Variants in PDE11A observed in about 807,000 individuals in gnomAD.
PDE11A encodes dual 3',5'-cyclic-AMP and -GMP phosphodiesterase 11A.
PDE11A carries 100 observed loss-of-function variants against 100.5 expected under a neutral mutation model. The ratio of observed to expected loss-of-function variants is 1.00; its 90% confidence interval spans 0.85 to 1.18. PDE11A has a LOEUF of 1.18. PDE11A is among the 50% of genes most tolerant of loss of function. The pLI is 0.00. For missense variants in PDE11A, 1,141 were observed against 1,152.6 expected, an observed-to-expected ratio of 0.99 and a Z score of 0.15; for synonymous variants, 381 against 420.8, an observed-to-expected ratio of 0.91 and a Z score of 1.16.
At chr2:177,727,624 G>T in intron 12 of PDE11A, 34 bp downstream of exon 12, 1 of 1,210,568 alleles carries the variant, frequency 8.3e-7, no homozygotes. Context: ...CTACGAATGA[G>T]AAATGATCTT....
chr2:177,698,752 T>C (rs957567342), intron 14 of PDE11A, among the ~76,000 whole-genome samples: 10 of 152,302 alleles, frequency 6.6e-5, no homozygotes, highest in Middle Eastern at 3.4e-3. Flanking sequence ...AATTTTCAAA[T>C]GAGCTCTTCA....
chr2:178,011,124 G>A (rs546525308), intron 2 of PDE11A, among the ~76,000 whole-genome samples: 2 of 152,280 alleles, frequency 1.3e-5, no homozygotes, highest in East Asian at 1.9e-4. Context: ...TCTAAGTGGA[G>A]GTTGTTGGCA....
chr2:177,756,738 C>A (rs955091801), intron 10 of PDE11A, among the ~76,000 whole-genome samples: 1 of 152,202 alleles, frequency 6.6e-6, no homozygotes, highest in African/African-American at 2.4e-5. Flanking sequence ...GTGCTGTTAG[C>A]GCCCACAAAC....
Position 177,816,826 on chromosome 2 carries a change from T to G in PDE11A, c.1737+3A>C, listed in dbSNP as rs1378445027. The G allele has an allele frequency of 6.5e-7, 1 of 1,544,754 alleles. No homozygotes were observed. The highest frequency in any genetic ancestry group is 9.0e-7 in the Non-Finnish European group (1 of 1,116,972). ...ACAAACCTGACATAAACACTGTACT[T>G]ACATCAAGAGCCACAGACTGCTTGG... On this transcript the variant is annotated splice_donor_region_variant and intron_variant, in intron 9 of 19. Transcript: ENST00000286063.
At chr2:177,959,466 G>A (rs989722459) in intron 2 of PDE11A, among the ~76,000 whole-genome samples, 1 of 152,176 alleles carries the variant, frequency 6.6e-6, no homozygotes, top group African/African-American at 2.4e-5. Flanking sequence ...GTGGAATCAG[G>A]AGGACCCAAT....
chr2:177,914,647 C>T (rs1378631055), intron 2 of PDE11A, among the ~76,000 whole-genome samples: 1 of 152,138 alleles, frequency 6.6e-6, no homozygotes, highest in Non-Finnish European at 1.5e-5. Context: ...CAGGAAGCTA[C>T]ACAATAGAGT....
intron 4 of PDE11A, among the ~76,000 whole-genome samples, chr2:177,882,656 C>T (rs2084362710): frequency 1.3e-5 from 2 of 152,168 alleles, no homozygotes; most frequent in African/African-American, 4.8e-5. Flanking sequence ...GCTTCCTTTG[C>T]TGCTGATCAG....
At chr2:177,818,277 T>A (rs1429684076) in intron 7 of PDE11A, among the ~76,000 whole-genome samples, 1 of 146,628 alleles carries the variant, frequency 6.8e-6, no homozygotes, top group Non-Finnish European at 1.5e-5. Flanking sequence ...TACATATATA[T>A]ATATATTTCA....
At chr2:177,672,774 G>A (rs1052493003) in intron 17 of PDE11A, among the ~76,000 whole-genome samples, 6 of 152,186 alleles carry the variant, frequency 3.9e-5, no homozygotes, top group African/African-American at 1.2e-4. Context: ...CGCAAATTCA[G>A]GGACTTGTAG....
intron 6 of PDE11A, among the ~76,000 whole-genome samples, chr2:177,825,734 A>T (rs898610200): frequency 6.6e-6 from 1 of 152,190 alleles, no homozygotes; most frequent in Non-Finnish European, 1.5e-5. Flanking sequence ...AAATCAGTCA[A>T]TGGAGCTCAA....
chr2:177,653,426 T>C (rs6746845), intron 19 of PDE11A, among the ~76,000 whole-genome samples: 25,058 of 152,144 alleles, frequency 0.16, 3,363 homozygotes, highest in African/African-American at 0.37. Context: ...CAGGCTGATT[T>C]CTCAACCTCT....
chr2:177,656,849 AT>A (rs748456151), intron 19 of PDE11A, among the ~76,000 whole-genome samples: 7 of 152,224 alleles, frequency 4.6e-5, no homozygotes, highest in Non-Finnish European at 1.5e-5. Context: ...GCCAGGGAAG[AT>A]GGACCAAAGG....
At chr2:177,871,919 T>A (rs569630531) in intron 5 of PDE11A, among the ~76,000 whole-genome samples, 1 of 152,182 alleles carries the variant, frequency 6.6e-6, no homozygotes, top group Non-Finnish European at 1.5e-5. Context: ...TACAAGGGAC[T>A]AGGGTTCTTA....
At chr2:177,803,273 C>A (rs16865791) in intron 9 of PDE11A, among the ~76,000 whole-genome samples, 14,630 of 151,604 alleles carry the variant, frequency 0.097, 742 homozygotes, top group Middle Eastern at 0.14. Context: ...ATATTCAGAG[C>A]AGTGAGATTA....
chr2:177,895,121 TA>T (rs1169359877), intron 4 of PDE11A, among the ~76,000 whole-genome samples: 100 of 145,480 alleles, frequency 6.9e-4, no homozygotes, highest in Non-Finnish European at 7.6e-4. Context: ...AACTTAAAAT[TA>T]AAAAAAAAAA....
At chr2:177,944,977 C>G (rs1344819725) in intron 2 of PDE11A, among the ~76,000 whole-genome samples, 4 of 149,610 alleles carry the variant, frequency 2.7e-5, no homozygotes, top group South Asian at 2.2e-4. Context: ...ATTGCAGGCA[C>G]GCGCCGCCAC....
chr2:178,068,428 C>T (rs980975100), intron 1 of PDE11A, among the ~76,000 whole-genome samples: 3 of 151,912 alleles, frequency 2.0e-5, no homozygotes, highest in African/African-American at 7.3e-5. Flanking sequence ...ATAATTTTGT[C>T]TCTTCAATGC....
chr2:177,631,480 CAAAAAAAAAAAAAAAAA>C (rs539411793), intron 19 of PDE11A, among the ~76,000 whole-genome samples: 5 of 8,180 alleles, frequency 6.1e-4, no homozygotes, highest in East Asian at 6.2e-3. Context: ...GACTCTATCT[CAAAAAAAAAAAAAAAAA>C]AAAAAAAAAA....
chr2:177,925,276 C>T (rs1191735347), intron 2 of PDE11A, among the ~76,000 whole-genome samples: 5 of 151,996 alleles, frequency 3.3e-5, no homozygotes, highest in Non-Finnish European at 2.9e-5. Context: ...AATGTTATTT[C>T]TAGTTCTAGA....
Sources: gnomAD v4.1 joint callset for allele counts (sites outside exome capture counted in the v4.1 genomes callset) on GRCh38, gnomAD v4.1.1 for gene constraint, MANE v1.5 for transcripts, NCBI Gene and HGNC (gene_info 2026-07-23, HGNC 2026-07-21) for gene names.